RIMS2: variants seen among roughly 807,000 people sequenced by gnomAD.
RIMS2 encodes the protein regulating synaptic membrane exocytosis protein 2.
In RIMS2, 59 loss-of-function variants were observed where a neutral mutation model predicts 174.4. The ratio of observed to expected loss-of-function variants is 0.34; its 90% CI spans 0.27 to 0.42. The LOEUF is 0.42. RIMS2 is among the 10% of genes least tolerant of loss of function. The probability of loss-of-function intolerance (pLI) is 1.00; values close to 1 mark genes in which losing one functional copy is unlikely to be tolerated. For synonymous variants in RIMS2, 606 were observed against 572.5 expected (o/e 1.06, Z -0.84); for missense variants, 1,620 against 1,666.3 (o/e 0.97, Z 0.48).
In RIMS2 at chr8:103,665,092, CAG is replaced by C. The variant is rs1452232897; in HGVS notation, c.177-31993_177-31992del. ...GTTGAACAATGAGAACACATGGACA[CAG>C]GGTGGGGAACATCACATACCAGGGC... On this transcript the variant is annotated intron_variant, in intron 1 of 23. Coordinates refer to ENST00000504942, the Ensembl canonical transcript of RIMS2. Among the ~76,000 whole-genome samples the C allele has an allele frequency of 4.6e-5, 7 of 152,272 alleles. No individual in the cohort carries two copies. The East Asian group carries it at 1.4e-3, about 29-fold the overall frequency.
intron 3 of RIMS2, among the ~76,000 whole-genome samples, chr8:103,864,231 ATTC>A (rs1324802099): frequency 6.6e-6 from 1 of 150,382 alleles, no homozygotes; most frequent in Non-Finnish European, 1.5e-5. Flanking sequence ...GATTTGGTTT[ATTC>A]TTGTTTCTCA....
rs1555232622 is a variant in RIMS2 at position 104,107,966 on chromosome 8, T to TCC, written c.3334+93351_3334+93352insCC. Among the ~76,000 whole-genome samples the TCC allele has an allele frequency of 3.2e-3, 350 of 109,640 alleles. 2 individuals carry two copies. Among genetic ancestry groups the TCC allele is most frequent in the Non-Finnish European group, 5.1e-3 (259 of 50,644 alleles). The allele number at this position is 109,640 out of a possible 152,430, so 71.9% of individuals were successfully genotyped here. A position where few individuals can be genotyped will look rare whatever the true frequency, so the allele number is the denominator to read the frequency against. On this transcript the variant is annotated intron_variant, in intron 19 of 23. Transcript: ENST00000504942. Reference sequence around the variant, plus strand: ...TAAATAGTCCAGGTGGTCTTTCCCCTGCCCCCCCCCCACAATGGAAATAAA... The same window carrying TCC: ...TAAATAGTCCAGGTGGTCTTTCCCCTCCGCCCCCCCCCCACAATGGAAATAAA...
Position 103,924,118 on chromosome 8 carries a change from C to A in RIMS2, c.2196+2334C>A, listed in dbSNP as rs952185267. Among the ~76,000 whole-genome samples the A allele has an allele frequency of 9.2e-5, 14 of 151,422 alleles. 1 individual carries two copies. Among genetic ancestry groups the A allele is most frequent in the Non-Finnish European group, 2.1e-4 (14 of 67,534 alleles). On this transcript the variant is annotated intron_variant, in intron 10 of 23. Coordinates refer to ENST00000504942, the Ensembl canonical transcript of RIMS2. ...TAAATCTGGAATATTTTTGTTAGGA[C>A]AAAATTCAATTGTCAGAATAACCTT...
chr8:103,528,221 C>T (rs183363950), intron 1 of RIMS2, among the ~76,000 whole-genome samples: 44 of 151,452 alleles, frequency 2.9e-4, no homozygotes, highest in Non-Finnish European at 5.2e-4. Flanking sequence ...GTTCTTTGCC[C>T]ACTTTTCAAT....
At chr8:104,155,436 C>CA (rs1420861829) in intron 19 of RIMS2, among the ~76,000 whole-genome samples, 3 of 77,328 alleles carry the variant, frequency 3.9e-5, no homozygotes, top group South Asian at 4.6e-4. Flanking sequence ...TTTTCTGAGA[C>CA]AGAGTCTTGC....
At chr8:103,518,260 A>G (rs1348110683) in intron 1 of RIMS2, among the ~76,000 whole-genome samples, 1 of 151,890 alleles carries the variant, frequency 6.6e-6, no homozygotes, top group Non-Finnish European at 1.5e-5. Context: ...AATTTATGCT[A>G]TAACTCCCAT....
intron 19 of RIMS2, among the ~76,000 whole-genome samples, chr8:104,092,049 C>A (rs2097668839): frequency 6.6e-6 from 1 of 151,578 alleles, no homozygotes; most frequent in African/African-American, 2.4e-5. Context: ...TTTTGTGGAG[C>A]CTTAGAAATA....
chr8:104,148,648 CAG>C lies in RIMS2; in HGVS notation c.3335-96267_3335-96266del, dbSNP rs747688759. The C allele has an allele frequency of 3.8e-6, 6 of 1,597,908 alleles. No individual in the cohort carries two copies. In the South Asian group the frequency reaches 6.6e-5, roughly 18 times the overall value. On this transcript the variant is annotated intron_variant, in intron 19 of 23. Coordinates refer to ENST00000504942, the Ensembl canonical transcript of RIMS2. ...ATGCAAAGCAGACAAATGGGCATATCAGGGAAGAACATGACAAAAAGCACCAG... is the reference window on the plus strand; with the variant it reads ...ATGCAAAGCAGACAAATGGGCATATCGGAAGAACATGACAAAAAGCACCAG...
intron 3 of RIMS2, among the ~76,000 whole-genome samples, chr8:103,879,235 A>T (rs998322860): frequency 1.3e-5 from 2 of 151,430 alleles, no homozygotes; most frequent in Admixed American, 6.6e-5. Context: ...TAGAAACAAG[A>T]TGATTGATAG....
intron 9 of RIMS2, among the ~76,000 whole-genome samples, chr8:103,920,476 AG>A (rs2077397950): frequency 6.6e-6 from 1 of 152,164 alleles, no homozygotes; most frequent in Non-Finnish European, 1.5e-5. Context: ...GTAATATAAA[AG>A]GTATCACCAT....
intron 1 of RIMS2, among the ~76,000 whole-genome samples, chr8:103,572,747 G>C (rs981069302): frequency 6.6e-6 from 1 of 151,604 alleles, no homozygotes. Context: ...CTTTTTAATG[G>C]GGTCATTTAT....
chr8:103,554,459 A>G (rs2131720185), intron 1 of RIMS2, among the ~76,000 whole-genome samples: 1 of 152,308 alleles, frequency 6.6e-6, no homozygotes, highest in South Asian at 2.1e-4. Flanking sequence ...TTACCATTAG[A>G]GAAATGCAAA....
intron 19 of RIMS2, among the ~76,000 whole-genome samples, chr8:104,236,079 T>A (rs2099256802): frequency 6.6e-6 from 1 of 151,772 alleles, no homozygotes; most frequent in South Asian, 2.1e-4. Context: ...TTTTTTTTTT[T>A]ATCATTCTCT....
intron 1 of RIMS2, among the ~76,000 whole-genome samples, chr8:103,621,986 T>C (rs2095645838): frequency 6.6e-6 from 1 of 152,180 alleles, no homozygotes; most frequent in African/African-American, 2.4e-5. Context: ...TTAATGCTTG[T>C]GTGTATAAAA....
intron 4 of RIMS2, among the ~76,000 whole-genome samples, chr8:103,888,038 A>C (rs568358732): frequency 1.0e-3 from 151 of 151,706 alleles, no homozygotes; most frequent in African/African-American, 3.4e-3. Context: ...ACTTGTAAGA[A>C]TAATTAAGAG....
chr8:104,192,868 C>T (rs907906123), intron 19 of RIMS2, among the ~76,000 whole-genome samples: 1 of 152,106 alleles, frequency 6.6e-6, no homozygotes, highest in Non-Finnish European at 1.5e-5. Flanking sequence ...ACATGGTACC[C>T]ACTACCACGT....
chr8:104,248,639 C>A (rs1441836400), intron 20 of RIMS2, 62 bp from the exon 27 acceptor site: 6 of 923,306 alleles, frequency 6.5e-6, no homozygotes, highest in Non-Finnish European at 9.0e-6. Context: ...AGAATGAAAC[C>A]AAGCTTACCT....
At chr8:104,152,625 A>G (rs1266295886) in intron 19 of RIMS2, among the ~76,000 whole-genome samples, 4 of 152,116 alleles carry the variant, frequency 2.6e-5, no homozygotes, top group African/African-American at 9.7e-5. Flanking sequence ...AGTAGCTTAG[A>G]TATTAAATTA....
At chr8:103,509,174 A>C (rs1314943061) in intron 1 of RIMS2, among the ~76,000 whole-genome samples, 2 of 152,122 alleles carry the variant, frequency 1.3e-5, no homozygotes, top group African/African-American at 2.4e-5. Flanking sequence ...ACAAAGAACA[A>C]AGGGGAGAAA....
Sources: gnomAD v4.1 joint callset for allele counts (sites outside exome capture counted in the v4.1 genomes callset) on GRCh38, gnomAD v4.1.1 for gene constraint, MANE v1.5 for transcripts, NCBI Gene and HGNC (gene_info 2026-07-23, HGNC 2026-07-21) for gene names.